INSR: variants seen among roughly 807,000 people sequenced by gnomAD.
The protein encoded by INSR is IR.
Under a neutral mutation model 142.6 loss-of-function variants are expected in INSR, and 67 were observed. The observed-to-expected ratio is 0.47, with a 90% CI of 0.39 to 0.58. The LOEUF is 0.58. Among genes scored for constraint, INSR ranks in the 20% least tolerant of loss-of-function variants. The pLI, the probability that INSR is intolerant of heterozygous loss-of-function variation, is 0.00. For missense variants in INSR, 1,248 were observed against 1,833.2 expected (o/e 0.68, Z 5.83); for synonymous variants, 756 against 743.1 (o/e 1.02, Z -0.28).
intron 9 of INSR, 74 bp downstream of exon 9, chr19:7,162,958 C>T: frequency 6.8e-7 from 1 of 1,481,320 alleles, no homozygotes; most frequent in Non-Finnish European, 9.4e-7. Context: ...AGCTGCTTCC[C>T]TAGAGGTGAA....
Position 7,293,819 on chromosome 19 carries a change from C to T in INSR, c.73G>A (p.Ala25Thr). ...TCTCCGGGGTACAGGTGGCCCGCGG[C>T]GCCCAGTAGCAGCGCGGCCACCGCC... ...LVAVAALLLG[A>T]AGHLYPGEVC... The change falls in exon 1 of 22, where the codon GCC (alanine) becomes ACC (threonine). Residue 25 changes from alanine to threonine, a missense_variant. By Grantham distance (58) the Ala-to-Thr change is moderately conservative (BLOSUM62 0). Coordinates refer to ENST00000302850, the MANE Select transcript of INSR (RefSeq NM_000208.4). 7.4e-7 allele frequency: 1 copy of T among 1,346,272 alleles called. No homozygotes were observed. Among genetic ancestry groups the T allele is most frequent in the South Asian group, 1.9e-5 (1 of 52,888 alleles). The allele number at this position is 1,346,272 out of a possible 1,614,324, so 83.4% of individuals were successfully genotyped here.
chr19:7,255,288 C>T lies in INSR; in HGVS notation c.652+12057G>A, dbSNP rs73492825. On this transcript the variant is annotated intron_variant, in intron 2 of 21. Transcript: ENST00000302850. ...GGACGCAACAAAAAGCCTGGCTCAG[C>T]AAGGCTGTCCACTCAGTATTGGTGG... 8.1e-3 allele frequency among the ~76,000 whole-genome samples: 1,236 copies of T among 152,240 alleles called. 18 individuals are homozygous for T. Among genetic ancestry groups the T allele is most frequent in the African/African-American group, 0.025 (1,046 of 41,554 alleles).
At chr19:7,280,196 G>A (rs1600126736) in intron 1 of INSR, among the ~76,000 whole-genome samples, 1 of 152,100 alleles carries the variant, frequency 6.6e-6, no homozygotes, top group South Asian at 2.1e-4. Context: ...CCCGGGAGGC[G>A]GAGCTTGCAG....
intron 2 of INSR, among the ~76,000 whole-genome samples, chr19:7,204,427 C>T (rs150564199): frequency 6.6e-6 from 1 of 152,234 alleles, no homozygotes; most frequent in East Asian, 1.9e-4. Context: ...CCAGGAGCCT[C>T]ATGGCCTCGT....
intron 1 of INSR, among the ~76,000 whole-genome samples, chr19:7,274,373 T>C (rs1968004180): frequency 6.6e-6 from 1 of 151,892 alleles, no homozygotes. Context: ...GGACATGGAC[T>C]GCTACTGGTC....
chr19:7,125,987 T>A lies in INSR; in HGVS notation c.3014-460A>T, dbSNP rs55856124. 0.21 allele frequency among the ~76,000 whole-genome samples: 31,878 copies of A among 151,998 alleles called. 3,555 individuals carry two copies. Among genetic ancestry groups the A allele is most frequent in the East Asian group, 0.4 (2,074 of 5,146 alleles). ...CACCCCTTGGCCCTGGGCATGGCCT[T>A]GTGAGTTATTTTGGTCAATGGGAAT... is the stretch of plus-strand genomic sequence containing the variant. On this transcript the variant is annotated intron_variant, in intron 16 of 21. Coordinates refer to ENST00000302850, the MANE Select transcript of INSR (RefSeq NM_000208.4). This position sits in a 1 kb window ranked among gnomAD's most constrained non-coding sequence, Gnocchi z 4.9.
intron 13 of INSR, among the ~76,000 whole-genome samples, chr19:7,135,304 C>CT (rs34080394): frequency 0.55 from 32,997 of 59,866 alleles, 12,692 homozygotes; most frequent in Non-Finnish European, 0.7. Flanking sequence ...AATGCATCTT[C>CT]TTTTTTTTTT....
intron 2 of INSR, among the ~76,000 whole-genome samples, chr19:7,240,532 G>GCAGTAAGCCAAGAT (rs1976308163): frequency 6.6e-6 from 1 of 152,162 alleles, no homozygotes; most frequent in Middle Eastern, 3.2e-3. Flanking sequence ...TTGCGCCATT[G>GCAGTAAGCCAAGAT]CACTCCAGCC....
At position 7,170,588 on chromosome 19, in the gene INSR, G is replaced by A. The variant is rs556950372; in HGVS notation, c.1432C>T (p.Arg478Cys). The change falls in exon 6 of 22, where the codon CGC becomes TGC. Residue 478 changes from arginine (R) to cysteine (C), a missense_variant. By Grantham distance (180) the Arg-to-Cys change is radical. Transcript: ENST00000302850. ...AGGGCAATGTCGTTTCTCTCCTGGC[G>A]CCCCTTGGTTCCTGAAACTTCTTCC... ...KMEEVSGTKG[R>C]QERNDIALKT... 23 of 1,613,574 alleles carry A rather than the reference G, an allele frequency of 1.4e-5. No homozygotes were observed. Among genetic ancestry groups the A allele is most frequent in the Middle Eastern group, 1.7e-4 (1 of 5,928 alleles).
chr19:7,141,517 C>A, intron 13 of INSR, 160 bp downstream of exon 13: 1 of 963,688 alleles, frequency 1.0e-6, no homozygotes, highest in Non-Finnish European at 1.6e-6. Context: ...GACCCATCTT[C>A]CTGCGAAGTC....
intron 2 of INSR, among the ~76,000 whole-genome samples, chr19:7,188,375 G>A (rs950231520): frequency 3.3e-5 from 5 of 150,412 alleles, no homozygotes; most frequent in South Asian, 2.1e-4. Context: ...GTAAAACCCC[G>A]ACTCTACTAA....
At position 7,125,271 on chromosome 19, in the gene INSR, C is replaced by CA; in HGVS notation, c.3258+11dup. ...GGAAAGCCAGCCCATGTCCCACCCCCACTGGACTCACCACGTGATGGCAGG... is the reference window on the plus strand; with the variant it reads ...GGAAAGCCAGCCCATGTCCCACCCCCAACTGGACTCACCACGTGATGGCAGG... On this transcript the variant is annotated intron_variant, in intron 17 of 21. Coordinates refer to ENST00000302850, the MANE Select transcript of INSR (RefSeq NM_000208.4). This position sits in a 1 kb window ranked among gnomAD's most constrained non-coding sequence, Gnocchi z 4.9. 6.2e-7 allele frequency: 1 copy of CA among 1,613,918 alleles called. No homozygotes were observed. The highest frequency in any genetic ancestry group is 8.5e-7 in the Non-Finnish European group (1 of 1,180,012).
chr19:7,234,188 C>T (rs973617451), intron 2 of INSR, among the ~76,000 whole-genome samples: 2 of 151,920 alleles, frequency 1.3e-5, no homozygotes, highest in African/African-American at 4.8e-5. Flanking sequence ...GGATTACAGG[C>T]ATCAGTCACT....
intron 9 of INSR, 54 bp from the exon 10 acceptor site, chr19:7,152,981 A>ACACACACACACACCCCC: frequency 1.6e-6 from 1 of 609,604 alleles, no homozygotes; most frequent in South Asian, 1.8e-5. Flanking sequence ...GAACACACAT[A>ACACACACACACACCCCC]CACACACACA....
intron 2 of INSR, among the ~76,000 whole-genome samples, chr19:7,190,906 T>C (rs530899337): frequency 7.9e-5 from 12 of 152,326 alleles, no homozygotes; most frequent in Admixed American, 2.0e-4. Context: ...AGCTTTTAAA[T>C]TGGCATGACT....
At chr19:7,190,352 A>C (rs1599971195) in intron 2 of INSR, among the ~76,000 whole-genome samples, 1 of 144,924 alleles carries the variant, frequency 6.9e-6, no homozygotes. Flanking sequence ...AAACATGCTG[A>C]CCTGTGTTCT....
At chr19:7,179,130 T>C (rs1225641261) in intron 3 of INSR, among the ~76,000 whole-genome samples, 1 of 152,212 alleles carries the variant, frequency 6.6e-6, no homozygotes, top group African/African-American at 2.4e-5. Context: ...CAGGCTGGTC[T>C]CGAACCTCTG....
intron 19 of INSR, among the ~76,000 whole-genome samples, chr19:7,121,602 G>T (rs1372383127): frequency 6.6e-6 from 1 of 152,006 alleles, no homozygotes; most frequent in Admixed American, 6.6e-5. Flanking sequence ...GAGTAGCTGG[G>T]ACCACAGGTG....
rs745477536 is a variant in INSR, at chr19:7,184,643, G to A, written c.653-6C>T. On this transcript the variant is annotated splice_polypyrimidine_tract_variant and splice_region_variant and intron_variant, in intron 2 of 21. Transcript: ENST00000302850. ...CTTACAGATGGTCGGGCAAACTGGA[G>A]AGAGAGAGAGAGAGAGAGGGAAATA... The A allele has an allele frequency of 4.9e-5, 64 of 1,298,332 alleles. No individual in the cohort carries two copies. The highest frequency in any genetic ancestry group is 5.7e-5 in the Non-Finnish European group (54 of 950,388). 80.4% of individuals were successfully genotyped at this position (1,298,332 alleles called of 1,614,324 possible). A position where few individuals can be genotyped will look rare whatever the true frequency, so the allele number is the denominator to read the frequency against.
Sources: allele counts gnomAD v4.1 joint callset (sites outside exome capture counted in the v4.1 genomes callset), GRCh38; gene constraint gnomAD v4.1.1; non-coding constraint Gnocchi (gnomAD v3.1); transcripts MANE v1.5; gene names NCBI Gene and HGNC (gene_info 2026-07-23, HGNC 2026-07-21).